ROBO2: variants seen among roughly 807,000 people sequenced by gnomAD.
The protein encoded by ROBO2 is roundabout homolog 2.
In ROBO2, 53 loss-of-function variants were observed where a neutral mutation model predicts 160.8. The ratio of observed to expected loss-of-function variants is 0.33; its 90% CI spans 0.26 to 0.41. ROBO2 has a LOEUF of 0.41. ROBO2 is among the 10% of genes least tolerant of loss of function. The pLI is 1.00. For synonymous variants in ROBO2, 664 were observed against 611.7 expected (o/e 1.09, Z -1.26); for missense variants, 1,577 against 1,722.4 (o/e 0.92, Z 1.49).
chr3:76,269,859 ATATGATTGTAGGTTC>A (rs1334500932), intron 2 of ROBO2, among the ~76,000 whole-genome samples: 1 of 152,034 alleles, frequency 6.6e-6, no homozygotes, highest in Admixed American at 6.6e-5. Context: ...ATTAACATAT[ATATGATTGTAGGTTC>A]TATAGAAAAG....
At chr3:77,054,920 T>TCG (rs1301724761) in intron 1 of ROBO2, among the ~76,000 whole-genome samples, 4 of 85,206 alleles carry the variant, frequency 4.7e-5, no homozygotes, top group African/African-American at 1.7e-4. Flanking sequence ...CCACAAAATC[T>TCG]CGCGTGTATG....
intron 2 of ROBO2, among the ~76,000 whole-genome samples, chr3:77,173,897 G>C (rs890538748): frequency 3.9e-5 from 6 of 151,994 alleles, no homozygotes; most frequent in African/African-American, 1.4e-4. Flanking sequence ...AATTGCTTTT[G>C]ACTCCAAACA....
At chr3:76,329,674 C>T (rs575416124) in intron 2 of ROBO2, among the ~76,000 whole-genome samples, 7 of 152,188 alleles carry the variant, frequency 4.6e-5, no homozygotes, top group African/African-American at 7.2e-5. Context: ...TTTTGGCACG[C>T]TCAGCAAGAA....
intron 2 of ROBO2, among the ~76,000 whole-genome samples, chr3:77,000,267 A>C (rs1017230311): frequency 7.9e-5 from 12 of 152,210 alleles, no homozygotes; most frequent in Admixed American, 2.6e-4. Context: ...ATATCTGCAC[A>C]TATACCTGGT....
intron 22 of ROBO2, 126 bp from the exon 24 acceptor site, chr3:77,622,101 T>C: frequency 1.3e-6 from 1 of 798,462 alleles, no homozygotes; most frequent in African/African-American, 1.7e-5. Flanking sequence ...CATTATGAAC[T>C]CCTAAATTAG....
At chr3:76,193,027 C>G (rs147053577) in intron 2 of ROBO2, among the ~76,000 whole-genome samples, 13 of 152,234 alleles carry the variant, frequency 8.5e-5, no homozygotes, top group Non-Finnish European at 1.9e-4. Flanking sequence ...TAGCATTTAA[C>G]ACTGAGGGTC....
chr3:76,463,056 G>A (rs1244572616), intron 2 of ROBO2, among the ~76,000 whole-genome samples: 1 of 152,146 alleles, frequency 6.6e-6, no homozygotes, highest in Admixed American at 6.6e-5. Flanking sequence ...TGACAGCAGG[G>A]AAGTGGAGGC....
rs187165045 is a variant in ROBO2, at chr3:77,341,225, G to A, written c.389-136189G>A. ...TGCCGATTCCATTGTTTGAGTACTA[G>A]CATATAAGAGGTTAATTCCCCGAAC... On this transcript the variant is annotated intron_variant, in intron 2 of 25. Coordinates refer to ENST00000461745, the Ensembl canonical transcript of ROBO2. 3.4e-4 allele frequency among the ~76,000 whole-genome samples: 51 copies of A among 152,066 alleles called. 1 individual carries two copies. The East Asian group carries it at 9.9e-3, about 29-fold the overall frequency.
intron 2 of ROBO2, among the ~76,000 whole-genome samples, chr3:76,448,710 G>A (rs1377998834): frequency 6.6e-6 from 1 of 152,146 alleles, no homozygotes; most frequent in Non-Finnish European, 1.5e-5. Context: ...TCTTAGCTAA[G>A]TTTATTAGGC....
At chr3:77,173,799 A>C (rs553869387) in intron 2 of ROBO2, among the ~76,000 whole-genome samples, 1 of 152,230 alleles carries the variant, frequency 6.6e-6, no homozygotes, top group East Asian at 1.9e-4. Context: ...TAAAAGGCTC[A>C]GTGGTTATAA....
intron 2 of ROBO2, among the ~76,000 whole-genome samples, chr3:75,949,977 G>A (rs957701540): frequency 6.6e-6 from 1 of 151,942 alleles, no homozygotes; most frequent in African/African-American, 2.4e-5. Flanking sequence ...TACATTAAGT[G>A]CCATCTGGGA....
intron 2 of ROBO2, among the ~76,000 whole-genome samples, chr3:75,989,847 A>T (rs1452906768): frequency 6.6e-6 from 1 of 152,208 alleles, no homozygotes; most frequent in Non-Finnish European, 1.5e-5. Context: ...ACATTCTGTG[A>T]TTGGTGGCGG....
chr3:76,766,918 G>A (rs1238036706), intron 2 of ROBO2, among the ~76,000 whole-genome samples: 1 of 151,552 alleles, frequency 6.6e-6, no homozygotes, highest in Non-Finnish European at 1.5e-5. Flanking sequence ...AGAAAAGCAA[G>A]TTAGCTTACG....
At chr3:75,971,377 A>G (rs2064988242) in intron 2 of ROBO2, among the ~76,000 whole-genome samples, 1 of 151,558 alleles carries the variant, frequency 6.6e-6, no homozygotes, top group African/African-American at 2.4e-5. Context: ...GAAGGCATCA[A>G]AAACTTGGAA....
intron 2 of ROBO2, among the ~76,000 whole-genome samples, chr3:76,274,666 G>A (rs1468787273): frequency 1.3e-5 from 2 of 151,684 alleles, no homozygotes; most frequent in Non-Finnish European, 2.9e-5. Context: ...GTGAAACCCC[G>A]TCTCTACTAA....
At chr3:76,500,058 C>T (rs974952832) in intron 2 of ROBO2, among the ~76,000 whole-genome samples, 2 of 151,954 alleles carry the variant, frequency 1.3e-5, no homozygotes, top group Non-Finnish European at 2.9e-5. Flanking sequence ...ACCCAAACAC[C>T]GGTGGAGGGG....
At position 76,680,358 on chromosome 3, in the gene ROBO2, T is replaced by TA. The variant is rs3066796; in HGVS notation, c.110-417640dup. Among the ~76,000 whole-genome samples the TA allele has an allele frequency of 3.9e-3, 558 of 143,634 alleles. 1 individual carries two copies. Among genetic ancestry groups the TA allele is most frequent in the East Asian group, 0.011 (55 of 5,006 alleles). 94.2% of individuals were successfully genotyped at this position (143,634 alleles called of 152,430 possible). On this transcript the variant is annotated intron_variant, in intron 2 of 26. Coordinates refer to the ROBO2 transcript ENST00000487694. ...TATATACTTCCTGACATGGATATAT[T>TA]AAAAAAAAAAAAAAAACGGCGAACA...
intron 2 of ROBO2, among the ~76,000 whole-genome samples, chr3:76,891,837 C>T (rs1484869448): frequency 3.3e-5 from 5 of 152,206 alleles, no homozygotes; most frequent in Admixed American, 6.5e-5. Context: ...AAAGAAATAG[C>T]AATTTTAGTT....
At chr3:77,003,988 A>G (rs1018212585) in intron 2 of ROBO2, among the ~76,000 whole-genome samples, 6 of 152,196 alleles carry the variant, frequency 3.9e-5, no homozygotes, top group African/African-American at 1.4e-4. Flanking sequence ...CAGAATATAT[A>G]ATCAAACTTA....
Sources: gnomAD v4.1 joint callset for allele counts (sites outside exome capture counted in the v4.1 genomes callset) on GRCh38, gnomAD v4.1.1 for gene constraint, MANE v1.5 for transcripts, NCBI Gene and HGNC (gene_info 2026-07-23, HGNC 2026-07-21) for gene names.